The following NMNAT2 variants were observed in gnomAD, a reference collection of about 807,000 sequenced individuals.
NMNAT2 encodes nicotinamide/nicotinic acid mononucleotide adenylyltransferase 2.
A neutral mutation model predicts 41.6 loss-of-function variants in NMNAT2; 11 were observed. The ratio of observed to expected loss-of-function variants is 0.26; its 90% CI spans 0.17 to 0.44. The LOEUF is 0.44. Ranked by LOEUF, NMNAT2 falls within the 20% of genes least tolerant of loss-of-function variation. NMNAT2 has a pLI of 1.00. For missense variants in NMNAT2, 288 were observed against 407.7 expected (o/e 0.71, Z 2.53); for synonymous variants, 148 against 151.2 (o/e 0.98, Z 0.16).
At chr1:183,340,349 T>C (rs1000005326) in intron 1 of NMNAT2, among the ~76,000 whole-genome samples, 1 of 150,006 alleles carries the variant, frequency 6.7e-6, no homozygotes, top group Non-Finnish European at 1.5e-5. Context: ...TTGAGATGGA[T>C]TGTTGCTCTG....
intron 1 of NMNAT2, among the ~76,000 whole-genome samples, chr1:183,417,756 C>A: frequency 6.6e-6 from 1 of 152,192 alleles, no homozygotes; most frequent in South Asian, 2.1e-4. Context: ...CTCCTTCGAG[C>A]TTTCGGCCCA....
At chr1:183,326,068 T>TCAGGCACACACAAGACAGGGGAGCAGGC (rs1262517885) in intron 1 of NMNAT2, among the ~76,000 whole-genome samples, 1 of 152,058 alleles carries the variant, frequency 6.6e-6, no homozygotes, top group Non-Finnish European at 1.5e-5. Context: ...AATGCAGTCA[T>TCAGGCACACACAAGACAGGGGAGCAGGC]CAGGCACACA....
chr1:183,280,618 C>G (rs568522838), intron 7 of NMNAT2, among the ~76,000 whole-genome samples: 1 of 151,760 alleles, frequency 6.6e-6, no homozygotes, highest in Non-Finnish European at 1.5e-5. Flanking sequence ...AAACTCCTGA[C>G]CTCAAGTGAT....
At chr1:183,272,870 G>GCGGGGC (rs1270143991) in intron 8 of NMNAT2, among the ~76,000 whole-genome samples, 1 of 152,208 alleles carries the variant, frequency 6.6e-6, no homozygotes, top group African/African-American at 2.4e-5. Context: ...AGGCTGGAGT[G>GCGGGGC]CGGGGCCGGG....
At chr1:183,253,904 C>CGTGTGTGTGTGTGTGTGTGT (rs139756017) in intron 10 of NMNAT2, among the ~76,000 whole-genome samples, 20 of 144,266 alleles carry the variant, frequency 1.4e-4, no homozygotes, top group Admixed American at 2.8e-4. Context: ...GTTCCACTTC[C>CGTGTGTGTGTGTGTGTGTGT]GTGTGTGTGT....
chr1:183,325,157 A>AGTGAATT (rs1432764166), intron 1 of NMNAT2, among the ~76,000 whole-genome samples: 1 of 152,208 alleles, frequency 6.6e-6, no homozygotes, highest in Admixed American at 6.5e-5. Context: ...GGAAGGAGGA[A>AGTGAATT]GTGAATTTAG....
At position 183,397,333 on chromosome 1, in the gene NMNAT2, C is replaced by T. The variant is rs144475491; in HGVS notation, c.85+20850G>A. The stretch of plus-strand genomic sequence containing the variant: ...TATCAGTGATTGAAGATTAAATGAA[C>T]GAAATGAAGCGAGAAAAGAACTTTA... On this transcript the variant is annotated intron_variant, in intron 1 of 10. Transcript: ENST00000287713. Among the ~76,000 whole-genome samples, 520 of 151,734 alleles carry T rather than the reference C, an allele frequency of 3.4e-3. 4 individuals carry two copies. Among genetic ancestry groups the T allele is most frequent in the African/African-American group, 0.012 (493 of 41,324 alleles).
chr1:183,340,098 AG>A (rs1265051238), intron 1 of NMNAT2, among the ~76,000 whole-genome samples: 1 of 152,228 alleles, frequency 6.6e-6, no homozygotes, highest in Non-Finnish European at 1.5e-5. Context: ...CAGCCTTGCA[AG>A]GGCCTCAGGC....
At position 183,400,930 on chromosome 1, in the gene NMNAT2, C is replaced by G. The variant is rs191922647; in HGVS notation, c.85+17253G>C. ...AAATTAATTCAAGATGGACTAAAGA[C>G]TTAAACGTTAGACCTAAAACCACAA... On this transcript the variant is annotated intron_variant, in intron 1 of 10. Coordinates refer to ENST00000287713, the MANE Select transcript of NMNAT2 (RefSeq NM_015039.4). 1.9e-3 allele frequency among the ~76,000 whole-genome samples: 294 copies of G among 152,310 alleles called. 1 individual carries two copies. Among genetic ancestry groups the G allele is most frequent in the African/African-American group, 7.0e-3 (290 of 41,568 alleles).
intron 1 of NMNAT2, among the ~76,000 whole-genome samples, chr1:183,306,853 A>G (rs1386642769): frequency 6.6e-6 from 1 of 152,122 alleles, no homozygotes; most frequent in Admixed American, 6.5e-5. Flanking sequence ...TAGTTACTCA[A>G]TTGCGCTGGC....
At chr1:183,275,853 T>C (rs190686218) in intron 8 of NMNAT2, among the ~76,000 whole-genome samples, 52 of 152,212 alleles carry the variant, frequency 3.4e-4, no homozygotes, top group Non-Finnish European at 2.8e-4. Context: ...TTTGTATTTT[T>C]AGTAGAGACA....
At chr1:183,398,429 T>C (rs1242690366) in intron 1 of NMNAT2, among the ~76,000 whole-genome samples, 2 of 152,034 alleles carry the variant, frequency 1.3e-5, no homozygotes, top group South Asian at 4.1e-4. Context: ...TAGAGACCTA[T>C]AAAAAGACTT....
At chr1:183,347,051 T>G (rs1439485068) in intron 1 of NMNAT2, among the ~76,000 whole-genome samples, 1 of 152,174 alleles carries the variant, frequency 6.6e-6, no homozygotes, top group Non-Finnish European at 1.5e-5. Context: ...TAAACAGCTA[T>G]TGCATTTCCT....
intron 8 of NMNAT2, among the ~76,000 whole-genome samples, chr1:183,265,258 C>CTTTTTTTT (rs67117635): frequency 7.9e-4 from 51 of 64,556 alleles, no homozygotes; most frequent in African/African-American, 1.1e-3. Context: ...TCTTCTTCTT[C>CTTTTTTTT]TTTTTTTTTT....
intron 10 of NMNAT2, among the ~76,000 whole-genome samples, chr1:183,254,270 A>T (rs898520494): frequency 1.1e-4 from 17 of 152,148 alleles, no homozygotes; most frequent in Non-Finnish European, 1.5e-5. Context: ...CTTTTTGATA[A>T]TAGCTATTCT....
At chr1:183,355,358 G>T (rs890971036) in intron 1 of NMNAT2, among the ~76,000 whole-genome samples, 5 of 152,190 alleles carry the variant, frequency 3.3e-5, no homozygotes, top group Non-Finnish European at 7.3e-5. Context: ...AGTGGCACCA[G>T]CAGCACCTAG....
At chr1:183,405,668 G>A (rs991530474) in intron 1 of NMNAT2, among the ~76,000 whole-genome samples, 3 of 152,228 alleles carry the variant, frequency 2.0e-5, no homozygotes, top group African/African-American at 7.2e-5. Context: ...TTTCAACAGA[G>A]CTCTTTTTAT....
chr1:183,392,888 T>C (rs1312905532), intron 1 of NMNAT2, among the ~76,000 whole-genome samples: 2 of 152,202 alleles, frequency 1.3e-5, no homozygotes, highest in African/African-American at 2.4e-5. Context: ...TCTATCCATT[T>C]TATTTCTTTT....
chr1:183,381,450 C>A (rs1480090960), intron 1 of NMNAT2, among the ~76,000 whole-genome samples: 4 of 152,290 alleles, frequency 2.6e-5, no homozygotes, highest in Middle Eastern at 3.4e-3. Context: ...AATCCCAGCA[C>A]TTTGGGAGGC....
Sources: gnomAD v4.1 joint callset for allele counts (sites outside exome capture counted in the v4.1 genomes callset) on GRCh38, gnomAD v4.1.1 for gene constraint, MANE v1.5 for transcripts, NCBI Gene and HGNC (gene_info 2026-07-23, HGNC 2026-07-21) for gene names.